The following CSMD3 variants were observed in gnomAD, a reference collection of about 807,000 sequenced individuals.
CSMD3 encodes the protein CUB and sushi domain-containing protein 3.
A neutral mutation model predicts 435.2 loss-of-function variants in CSMD3; 177 were observed. That is an observed-to-expected ratio of 0.41 (90% CI 0.36 to 0.46). CSMD3 has a LOEUF of 0.46. CSMD3 is among the 20% of genes least tolerant of loss of function. The probability of loss-of-function intolerance (pLI) is 0.34; values close to 1 mark genes in which losing one functional copy is unlikely to be tolerated. For synonymous variants in CSMD3, 1,656 were observed against 1,520.5 expected, an observed-to-expected ratio of 1.09 and a Z score of -2.07; for missense variants, 4,265 against 4,504.6, an observed-to-expected ratio of 0.95 and a Z score of 1.52.
At chr8:113,082,145 A>G (rs1189686090) in intron 5 of CSMD3, among the ~76,000 whole-genome samples, 1 of 151,466 alleles carries the variant, frequency 6.6e-6, no homozygotes, top group East Asian at 2.0e-4. Context: ...TGCTCTACCT[A>G]GGACCTGTTG....
At chr8:113,217,230 C>G (rs1172686334) in intron 3 of CSMD3, among the ~76,000 whole-genome samples, 2 of 150,704 alleles carry the variant, frequency 1.3e-5, no homozygotes, top group East Asian at 2.0e-4. Flanking sequence ...ACTCAAAAAT[C>G]TTTTTTTTTA....
intron 32 of CSMD3, among the ~76,000 whole-genome samples, chr8:112,469,160 C>CAAAAA (rs71309771): frequency 6.5e-5 from 6 of 91,618 alleles, no homozygotes; most frequent in Non-Finnish European, 8.7e-5. Context: ...CTACACCAGG[C>CAAAAA]AAAAAAAAAA....
chr8:113,234,002 C>G (rs2093119996), intron 3 of CSMD3, among the ~76,000 whole-genome samples: 1 of 152,058 alleles, frequency 6.6e-6, no homozygotes, highest in African/African-American at 2.4e-5. Context: ...GCTAAGGGAA[C>G]CTGATACCTT....
chr8:112,654,577 G>A (rs2075210766), intron 18 of CSMD3, among the ~76,000 whole-genome samples: 1 of 152,194 alleles, frequency 6.6e-6, no homozygotes, highest in South Asian at 2.1e-4. Context: ...GGACCTGTAA[G>A]TGACAAACTT....
chr8:112,462,963 T>G (rs1419242979), intron 32 of CSMD3, among the ~76,000 whole-genome samples: 2 of 152,220 alleles, frequency 1.3e-5, no homozygotes, highest in Non-Finnish European at 2.9e-5. Context: ...TCACGCATTT[T>G]GAAACTGCTT....
At chr8:113,378,697 A>G (rs534437837) in intron 1 of CSMD3, among the ~76,000 whole-genome samples, 1 of 152,152 alleles carries the variant, frequency 6.6e-6, no homozygotes, top group South Asian at 2.1e-4. Flanking sequence ...GCTAGGGGAG[A>G]TATTGCCACT....
At chr8:113,124,784 T>C (rs1393446627) in intron 4 of CSMD3, among the ~76,000 whole-genome samples, 1 of 152,018 alleles carries the variant, frequency 6.6e-6, no homozygotes, top group African/African-American at 2.4e-5. Flanking sequence ...GAATCTGTCA[T>C]ATTTGCCATC....
rs2093324999 is a variant in CSMD3, at chr8:113,250,513, A to G, written c.514+28079T>C. Among the ~76,000 whole-genome samples, 3 of 152,136 alleles carry G rather than the reference A, an allele frequency of 2.0e-5. No homozygotes were observed. In the South Asian group the frequency reaches 6.2e-4, roughly 31 times the overall value. On this transcript the variant is annotated intron_variant, in intron 3 of 70. Transcript: ENST00000297405. ...ATAATAGGAAATATATTGATGCTTC[A>G]ATATTGATTGTAGAAACAGATTTGC...
At position 112,956,152 on chromosome 8, in the gene CSMD3, C is replaced by T. The variant is rs2084010003; in HGVS notation, c.1343-1391G>A. On this transcript the variant is annotated intron_variant, in intron 7 of 70. Transcript: ENST00000297405. ...TTGTGGGATTTTGGACAAGAATCTG[C>T]CTTTTTACCTGCTTTTTTCTCTTAA... Among the ~76,000 whole-genome samples the T allele has an allele frequency of 2.0e-5, 3 of 151,888 alleles. No individual in the cohort carries two copies. In the South Asian group the frequency reaches 6.2e-4, roughly 31 times the overall value.
intron 1 of CSMD3, among the ~76,000 whole-genome samples, chr8:113,391,788 T>C (rs1290055775): frequency 2.0e-5 from 3 of 151,876 alleles, no homozygotes; most frequent in Non-Finnish European, 2.9e-5. Flanking sequence ...ATGGCAATGA[T>C]TGCTAGAAGA....
At chr8:112,489,391 C>G (rs1024250890) in intron 31 of CSMD3, among the ~76,000 whole-genome samples, 1 of 152,194 alleles carries the variant, frequency 6.6e-6, no homozygotes, top group Admixed American at 6.5e-5. Context: ...CACCACTATA[C>G]TCCAGCATGG....
chr8:112,393,597 T>C (rs1341107830), intron 35 of CSMD3, among the ~76,000 whole-genome samples: 1 of 152,208 alleles, frequency 6.6e-6, no homozygotes, highest in African/African-American at 2.4e-5. Flanking sequence ...CTTCTTTGCA[T>C]TATAAATTTT....
intron 5 of CSMD3, among the ~76,000 whole-genome samples, chr8:113,051,516 T>C (rs1309026655): frequency 1.3e-5 from 2 of 152,174 alleles, no homozygotes; most frequent in Non-Finnish European, 2.9e-5. Flanking sequence ...TTTACTCTCT[T>C]TGAATTTGTT....
At chr8:112,296,990 G>GA (rs1186918320) in intron 53 of CSMD3, among the ~76,000 whole-genome samples, 3 of 150,650 alleles carry the variant, frequency 2.0e-5, no homozygotes, top group Non-Finnish European at 3.0e-5. Context: ...CAGAAGAAAA[G>GA]AAAAAAAATT....
intron 3 of CSMD3, among the ~76,000 whole-genome samples, chr8:113,208,534 T>C (rs904927124): frequency 2.0e-5 from 3 of 152,130 alleles, no homozygotes; most frequent in Admixed American, 2.0e-4. Flanking sequence ...ATTCCCACAA[T>C]GTTTCTTTTC....
intron 7 of CSMD3, among the ~76,000 whole-genome samples, chr8:112,965,112 C>T (rs1240883589): frequency 1.3e-5 from 2 of 151,924 alleles, no homozygotes; most frequent in African/African-American, 4.8e-5. Context: ...TCTTCATATT[C>T]CAAAAGGCAG....
intron 13 of CSMD3, among the ~76,000 whole-genome samples, chr8:112,739,926 A>C (rs1184688752): frequency 6.6e-6 from 1 of 151,810 alleles, no homozygotes; most frequent in Non-Finnish European, 1.5e-5. Context: ...CTAAACTCTC[A>C]CATAATTACA....
At chr8:112,329,510 G>A (rs780695018) in intron 45 of CSMD3, among the ~76,000 whole-genome samples, 12 of 152,042 alleles carry the variant, frequency 7.9e-5, no homozygotes, top group Non-Finnish European at 1.8e-4. Context: ...AGAAAATTAT[G>A]TTTCCTTGAA....
At chr8:112,286,053 C>G (rs1311921337) in intron 58 of CSMD3, among the ~76,000 whole-genome samples, 13 of 152,010 alleles carry the variant, frequency 8.6e-5, no homozygotes, top group Non-Finnish European at 4.4e-5. Context: ...AACTCTGAGT[C>G]AGAACAATTA....
Sources: gnomAD v4.1 joint callset for allele counts (sites outside exome capture counted in the v4.1 genomes callset) on GRCh38, gnomAD v4.1.1 for gene constraint, MANE v1.5 for transcripts, NCBI Gene and HGNC (gene_info 2026-07-23, HGNC 2026-07-21) for gene names.